The following USH1C variants were observed in gnomAD, a reference collection of about 807,000 sequenced individuals.
USH1C encodes the protein harmonin.
USH1C carries 90 observed loss-of-function variants against 119.3 expected under a neutral mutation model. The ratio of observed to expected loss-of-function variants is 0.75; its 90% CI spans 0.64 to 0.90. USH1C has a LOEUF of 0.90. Ranked by LOEUF, USH1C falls within the 40% of genes least tolerant of loss-of-function variation. The probability of loss-of-function intolerance (pLI) is 0.00; values close to 1 mark genes in which losing one functional copy is unlikely to be tolerated. For synonymous variants in USH1C, 465 were observed against 443.3 expected (o/e 1.05, Z -0.62); for missense variants, 1,165 against 1,167.7 (o/e 1.00, Z 0.03).
Position 17,522,804 on chromosome 11 carries a change from C to T in USH1C, c.999G>A (p.Glu333=). Residue 333 remains glutamate (E), a synonymous_variant, in exon 12 of 27, where the codon GAG becomes GAA. Transcript: ENST00000005226. ...LAMESNKILQ[E]QQEMERQRRK... ...CTCACTGCCGCTCCATCTCCTGCTGCTCCTGGAGGATCTTGTTGGACTCCA... is the reference window on the plus strand; with the variant it reads ...CTCACTGCCGCTCCATCTCCTGCTGTTCCTGGAGGATCTTGTTGGACTCCA... The T allele has an allele frequency of 6.2e-7, 1 of 1,614,046 alleles. No homozygotes were observed. The highest frequency in any genetic ancestry group is 2.2e-5 in the East Asian group (1 of 44,872).
At chr11:17,542,489 A>G (rs1428965561) in intron 1 of USH1C, among the ~76,000 whole-genome samples, 1 of 152,258 alleles carries the variant, frequency 6.6e-6, no homozygotes, top group Non-Finnish European at 1.5e-5. Flanking sequence ...GATATTAATA[A>G]GTAATGACTG....
intron 18 of USH1C, among the ~76,000 whole-genome samples, chr11:17,507,057 G>A (rs908471839): frequency 1.3e-5 from 2 of 152,244 alleles, no homozygotes; most frequent in Non-Finnish European, 2.9e-5. Flanking sequence ...GTGCTGGTGT[G>A]GCAGGCACAA....
At chr11:17,506,039 AC>A (rs1849636674) in intron 18 of USH1C, 90 bp from the exon 19 acceptor site, 2 of 1,587,272 alleles carry the variant, frequency 1.3e-6, no homozygotes, top group Admixed American at 1.7e-5. Flanking sequence ...GCAAATCTAC[AC>A]CCATGCATAT....
At chr11:17,508,165 A>G (rs1045055693) in intron 18 of USH1C, among the ~76,000 whole-genome samples, 1 of 152,206 alleles carries the variant, frequency 6.6e-6, no homozygotes, top group Non-Finnish European at 1.5e-5. Flanking sequence ...TGCAAGGCTA[A>G]CTCAGCTCTA....
At chr11:17,495,797 C>G in intron 25 of USH1C, 120 bp from the exon 26 acceptor site, 2 of 1,079,376 alleles carry the variant, frequency 1.9e-6, no homozygotes, top group Non-Finnish European at 2.8e-6. Flanking sequence ...CCCTGGGTTC[C>G]AGAATTAGGA....
rs560416690 is a variant in USH1C, at chr11:17,509,538, C to A, written c.1831G>T (p.Val611Phe). The A allele has an allele frequency of 5.3e-6, 5 of 948,876 alleles. No individual in the cohort carries two copies. The Admixed American group carries it at 1.1e-4, about 22-fold the overall frequency. The allele number at this position is 948,876 out of a possible 1,614,324, so 58.8% of individuals were successfully genotyped here. A position where few individuals can be genotyped will look rare whatever the true frequency, so the allele number is the denominator to read the frequency against. The change falls in exon 18 of 27, where the codon GTT becomes TTT. Residue 611 changes from valine (V) to phenylalanine (F), a missense_variant. Coordinates refer to ENST00000005226, the MANE Select transcript of USH1C (RefSeq NM_153676.4). ...PPIPIPPPPS[V>F]PTQDLTPTRP... ...GTGGGAGTGAGGTCTTGGGTGGGAA[C>A]GGATGGCGGGGGAGGGATGGGAATG...
intron 1 of USH1C, among the ~76,000 whole-genome samples, chr11:17,535,463 C>A (rs1021692625): frequency 6.6e-6 from 1 of 152,190 alleles, no homozygotes; most frequent in South Asian, 2.1e-4. Context: ...CTTCACAGAT[C>A]GACTACAATT....
chr11:17,503,064 G>C (rs1043053460), intron 20 of USH1C, among the ~76,000 whole-genome samples: 1 of 152,180 alleles, frequency 6.6e-6, no homozygotes, highest in Non-Finnish European at 1.5e-5. Flanking sequence ...AATATCAGCA[G>C]ACAGATCCCC....
At chr11:17,529,197 C>T (rs1044418041) in intron 4 of USH1C, among the ~76,000 whole-genome samples, 7 of 152,238 alleles carry the variant, frequency 4.6e-5, no homozygotes, top group Non-Finnish European at 1.5e-5. Context: ...AACCAAAGCA[C>T]ACAGAATAAT....
At chr11:17,540,584 T>C (rs1851423364) in intron 1 of USH1C, among the ~76,000 whole-genome samples, 1 of 152,164 alleles carries the variant, frequency 6.6e-6, no homozygotes, top group South Asian at 2.1e-4. Flanking sequence ...CTTACAGCAT[T>C]CGAAGTGGAA....
At chr11:17,518,298 G>A (rs950753645) in intron 14 of USH1C, among the ~76,000 whole-genome samples, 9 of 152,180 alleles carry the variant, frequency 5.9e-5, no homozygotes, top group African/African-American at 9.6e-5. Flanking sequence ...TTAATAGTTC[G>A]GTAGGAAAAT....
chr11:17,504,412 A>G (rs1273010447), intron 20 of USH1C, among the ~76,000 whole-genome samples: 1 of 152,160 alleles, frequency 6.6e-6, no homozygotes, highest in East Asian at 1.9e-4. Context: ...TCCCAGGGAT[A>G]CTGCTGTTTC....
intron 1 of USH1C, among the ~76,000 whole-genome samples, chr11:17,542,584 C>A (rs1851513786): frequency 6.6e-6 from 1 of 152,230 alleles, no homozygotes; most frequent in South Asian, 2.1e-4. Flanking sequence ...AGGAACAGGG[C>A]AAACCCAGGA....
rs2133880480 is a variant in USH1C, at chr11:17,523,412, A to T, written c.819+7T>A. 1 of 1,614,180 alleles carries T rather than the reference A, an allele frequency of 6.2e-7. No homozygotes were observed. The highest frequency in any genetic ancestry group is 8.5e-7 in the Non-Finnish European group (1 of 1,180,016). The stretch of plus-strand genomic sequence containing the variant: ...AGGGCCAACAGGTGAAGACCCCCAC[A>T]TCTCACCTCCTTGTGATCCAGGTTA... On this transcript the variant is annotated splice_region_variant and intron_variant, in intron 10 of 26. Transcript: ENST00000005226.
intron 25 of USH1C, among the ~76,000 whole-genome samples, chr11:17,496,328 C>T (rs1241850841): frequency 6.6e-6 from 1 of 152,106 alleles, no homozygotes; most frequent in Non-Finnish European, 1.5e-5. Context: ...GCCTGTGGTC[C>T]CGGCTGCCTA....
At position 17,523,232 on chromosome 11, in the gene USH1C, G is replaced by A. The variant is rs753114474; in HGVS notation, c.855C>T (p.Thr285=). The change falls in exon 11 of 27, where the codon ACC becomes ACT. Residue 285 remains threonine (T), a synonymous_variant. Transcript: ENST00000005226. ...VNVLKSSRSL[T]ISIVAAAGRE... is the part of the protein sequence containing the mutation. ...TTACAGCTGCAGCTACAATGGAGAT[G>A]GTCAGGCTGCGGCTACTCTTCAGCA... 1.2e-6 allele frequency: 2 copies of A among 1,614,154 alleles called. No homozygotes were observed. The highest frequency in any genetic ancestry group is 8.5e-7 in the Non-Finnish European group (1 of 1,180,022).
Position 17,524,438 on chromosome 11 carries a change from C to A in USH1C, c.759+13G>T. The A allele has an allele frequency of 6.4e-7, 1 of 1,565,832 alleles. No individual in the cohort carries two copies. Among genetic ancestry groups the A allele is most frequent in the Non-Finnish European group, 8.7e-7 (1 of 1,153,992 alleles). On this transcript the variant is annotated intron_variant, in intron 9 of 26. Transcript: ENST00000005226. The stretch of plus-strand genomic sequence containing the variant: ...CAGTGGGCCCCCACTGGGGCCGGCC[C>A]AGCGTCACTCACCTCCAATCCCACC...
At chr11:17,495,152 C>T in intron 26 of USH1C, 1 of 260,772 alleles carries the variant, frequency 3.8e-6, no homozygotes, top group Non-Finnish European at 7.6e-6. Flanking sequence ...TTTTCACATT[C>T]TGTTGAGGAC....
intron 23 of USH1C, among the ~76,000 whole-genome samples, chr11:17,499,838 CCTTACCT>C (rs1034398815): frequency 2.6e-4 from 39 of 152,204 alleles, no homozygotes; most frequent in Non-Finnish European, 4.7e-4. Flanking sequence ...GTTTCCTGCC[CCTTACCT>C]CTTACCACCT....
Sources: gnomAD v4.1 joint callset for allele counts (sites outside exome capture counted in the v4.1 genomes callset) on GRCh38, gnomAD v4.1.1 for gene constraint, MANE v1.5 for transcripts, NCBI Gene and HGNC (gene_info 2026-07-23, HGNC 2026-07-21) for gene names.